Variants in IFIT3 observed in about 807,000 individuals in gnomAD.
The protein encoded by IFIT3 is interferon-induced protein with tetratricopeptide repeats 3.
A neutral mutation model predicts 2.4 loss-of-function variants in IFIT3; 2 were observed. That is an observed-to-expected ratio of 0.82 (90% CI 0.34 to 2.60). The LOEUF (loss-of-function observed/expected upper bound fraction) is 2.60, where lower values mean the gene tolerates loss of function less well. Among genes scored for constraint, IFIT3 ranks in the 30% most tolerant of loss-of-function variants. The pLI, the probability that IFIT3 is intolerant of heterozygous loss-of-function variation, is 0.11. For missense variants in IFIT3, 481 were observed against 562.4 expected, an observed-to-expected ratio of 0.86 and a Z score of 1.46; for synonymous variants, 203 against 212.1, an observed-to-expected ratio of 0.96 and a Z score of 0.37.
At position 89,339,609 on chromosome 10, in the gene IFIT3, G is replaced by A. The variant is rs754007105; in HGVS notation, c.954G>A (p.Ser318=). Residue 318 remains serine, a synonymous_variant, in exon 2 of 2, where the codon TCG becomes TCA. Transcript: ENST00000371818. ...TAAAGCAATATGCTATGGACTATTCGAATAAAGCTCTTGAGAAGGGACTGA... is the reference window on the plus strand; with the variant it reads ...TAAAGCAATATGCTATGGACTATTCAAATAAAGCTCTTGAGAAGGGACTGA... ...EALKQYAMDY[S]NKALEKGLNP... 6.8e-6 allele frequency: 11 copies of A among 1,614,162 alleles called. No individual in the cohort carries two copies. The highest frequency in any genetic ancestry group is 4.2e-6 in the Non-Finnish European group (5 of 1,180,016).
At chr10:89,329,049 G>C (rs997793953) in intron 1 of IFIT3, among the ~76,000 whole-genome samples, 1 of 152,118 alleles carries the variant, frequency 6.6e-6, no homozygotes, top group Non-Finnish European at 1.5e-5. Flanking sequence ...ACCTCCTGGA[G>C]TTCTTCAGGG....
At chr10:89,334,214 T>C (rs947507075) in intron 1 of IFIT3, among the ~76,000 whole-genome samples, 1 of 152,116 alleles carries the variant, frequency 6.6e-6, no homozygotes, top group Admixed American at 6.5e-5. Flanking sequence ...GCAAGACAGG[T>C]GGTCATGATC....
rs1177223031 is a variant in IFIT3, at chr10:89,339,423, C to T, written c.768C>T (p.Asp256=). The T allele has an allele frequency of 6.2e-7, 1 of 1,614,184 alleles. No individual in the cohort carries two copies. Among genetic ancestry groups the T allele is most frequent in the South Asian group, 1.1e-5 (1 of 91,082 alleles). Residue 256 remains aspartate (D), a synonymous_variant, in exon 2 of 2, where the codon GAC becomes GAT. Coordinates refer to ENST00000371818, the MANE Select transcript of IFIT3 (RefSeq NM_001549.6). ...CCAAATTTTACAGAAGAAAAGGTGA[C>T]CTAGACAAAGCTATTGAACTGTTTC... ...SAAKFYRRKG[D]LDKAIELFQR...
At chr10:89,330,650 G>C (rs1334879924) in intron 1 of IFIT3, among the ~76,000 whole-genome samples, 1 of 152,168 alleles carries the variant, frequency 6.6e-6, no homozygotes, top group East Asian at 1.9e-4. Context: ...GCATTTTAAG[G>C]ATAAGGGAAT....
At position 89,339,627 on chromosome 10, in the gene IFIT3, G is replaced by C. The variant is rs750337534; in HGVS notation, c.972G>C (p.Lys324Asn). The C allele has an allele frequency of 1.2e-6, 2 of 1,614,194 alleles. No homozygotes were observed. The highest frequency in any genetic ancestry group is 1.7e-6 in the Non-Finnish European group (2 of 1,180,036). ...AMDYSNKALE[K>N]GLNPLNAYSD... ...ACTATTCGAATAAAGCTCTTGAGAAGGGACTGAATCCTCTGAATGCATACT... is the reference window on the plus strand; with the variant it reads ...ACTATTCGAATAAAGCTCTTGAGAACGGACTGAATCCTCTGAATGCATACT... Residue 324 changes from lysine (K) to asparagine (N), a missense_variant, in exon 2 of 2, where the codon AAG becomes AAC. Transcript: ENST00000371818.
At chr10:89,334,919 CA>C (rs1241385904) in intron 1 of IFIT3, among the ~76,000 whole-genome samples, 1 of 152,082 alleles carries the variant, frequency 6.6e-6, no homozygotes, top group African/African-American at 2.4e-5. Flanking sequence ...GAGTAACTTT[CA>C]AAAACACATA....
intron 1 of IFIT3, among the ~76,000 whole-genome samples, chr10:89,334,478 C>CTTTTT (rs578154457): frequency 1.3e-3 from 33 of 25,338 alleles, no homozygotes; most frequent in Admixed American, 2.3e-3. Context: ...TTCTTTTATT[C>CTTTTT]TTTTTTTTTT....
chr10:89,334,038 A>T (rs140278609), intron 1 of IFIT3, among the ~76,000 whole-genome samples: 1 of 152,194 alleles, frequency 6.6e-6, no homozygotes. Flanking sequence ...AGTCAGTTGG[A>T]GCATAACCAG....
In IFIT3 at chr10:89,338,956, G is replaced by A. The variant is rs768560074; in HGVS notation, c.301G>A (p.Ala101Thr). 6 of 1,614,026 alleles carry A rather than the reference G, an allele frequency of 3.7e-6. No homozygotes were observed. The highest frequency in any genetic ancestry group is 2.7e-5 in the African/African-American group (2 of 74,920). The change falls in exon 2 of 2, where the codon GCC becomes ACC. Residue 101 changes from alanine to threonine, a missense_variant. Transcript: ENST00000371818. ...AAGTCTAGTCACTTGGGGAAACTAC[G>A]CCTGGGTCTACTATCACTTGGGCAG... is the stretch of plus-strand genomic sequence containing the variant. Reference protein sequence around the residue: ...IRSLVTWGNYAWVYYHLGRLS... With the variant: ...IRSLVTWGNYTWVYYHLGRLS...
chr10:89,337,174 T>C (rs1392127698), intron 1 of IFIT3, among the ~76,000 whole-genome samples: 3 of 152,178 alleles, frequency 2.0e-5, no homozygotes, highest in Non-Finnish European at 4.4e-5. Flanking sequence ...ACATAACATG[T>C]TGGCAGACAT....
Position 89,339,880 on chromosome 10 carries a change from C to T in IFIT3, c.1225C>T (p.Leu409=), listed in dbSNP as rs61853145. The T allele has an allele frequency of 8.0e-3, 12,959 of 1,614,164 alleles. 108 individuals carry two copies. Among genetic ancestry groups the T allele is most frequent in the South Asian group, 0.019 (1,741 of 91,084 alleles). The part of the protein sequence containing the change: ...KDQPQNVSEN[L]LPQNAPNYWY... ...CCAACCACAGAATGTATCTGAAAAT[C>T]TGCTTCCACAAAATGCACCAAATTA... The change falls in exon 2 of 2, where the codon CTG becomes TTG. Residue 409 remains leucine, a synonymous_variant. Coordinates refer to ENST00000371818, the MANE Select transcript of IFIT3 (RefSeq NM_001549.6).
At chr10:89,328,271 T>C (rs551106251) in intron 1 of IFIT3, among the ~76,000 whole-genome samples, 193 bp downstream of exon 1, 66 of 152,300 alleles carry the variant, frequency 4.3e-4, no homozygotes, top group Non-Finnish European at 7.4e-4. Context: ...ACAGGCTTCT[T>C]AAGTTTCTGG....
intron 1 of IFIT3, among the ~76,000 whole-genome samples, chr10:89,332,159 A>C (rs890708825): frequency 2.0e-5 from 3 of 152,224 alleles, no homozygotes; most frequent in Non-Finnish European, 4.4e-5. Context: ...TGAACCCGAG[A>C]GGCAGAAATT....
Position 89,339,856 on chromosome 10 carries a change from C to G in IFIT3, c.1201C>G (p.Gln401Glu), listed in dbSNP as rs1310546309. 6.2e-7 allele frequency: 1 copy of G among 1,614,060 alleles called. No individual in the cohort carries two copies. The highest frequency in any genetic ancestry group is 8.5e-7 in the Non-Finnish European group (1 of 1,180,016). ...KSTDKEEIKDQPQNVSENLLP... is the reference protein window; with the variant it reads ...KSTDKEEIKDEPQNVSENLLP... Reference sequence around the variant, plus strand: ...AACTGACAAGGAAGAGATCAAAGACCAACCACAGAATGTATCTGAAAATCT... The same window carrying G: ...AACTGACAAGGAAGAGATCAAAGACGAACCACAGAATGTATCTGAAAATCT... Residue 401 changes from glutamine (Q) to glutamate (E), a missense_variant, in exon 2 of 2, where the codon CAA (glutamine) becomes GAA (glutamate). Physicochemically the swap from Gln to Glu is conservative, Grantham distance 29. Coordinates refer to ENST00000371818, the MANE Select transcript of IFIT3 (RefSeq NM_001549.6).
intron 1 of IFIT3, among the ~76,000 whole-genome samples, chr10:89,337,762 C>G (rs1421341699): frequency 7.2e-5 from 11 of 152,230 alleles, no homozygotes. Context: ...CCTCCTCTTA[C>G]CCATCTTACC....
chr10:89,331,729 C>T (rs6586182), intron 1 of IFIT3, among the ~76,000 whole-genome samples: 37,639 of 151,394 alleles, frequency 0.25, 4,968 homozygotes, highest in African/African-American at 0.32. Flanking sequence ...CGTGGTGGCA[C>T]GTGCCTATAG....
chr10:89,330,702 C>A (rs1843641210), intron 1 of IFIT3, among the ~76,000 whole-genome samples: 1 of 152,172 alleles, frequency 6.6e-6, no homozygotes, highest in Admixed American at 6.5e-5. Context: ...CAGAACTAAG[C>A]AAAGAGGTCA....
intron 1 of IFIT3, chr10:89,332,623 A>G: frequency 6.2e-7 from 1 of 1,614,118 alleles, no homozygotes; most frequent in Non-Finnish European, 8.5e-7. Flanking sequence ...AACAGCCATC[A>G]TGAGGTAAAT....
intron 1 of IFIT3, among the ~76,000 whole-genome samples, chr10:89,335,804 T>G (rs1843729444): frequency 6.6e-6 from 1 of 152,252 alleles, no homozygotes; most frequent in African/African-American, 2.4e-5. Context: ...TCAGCAAAGT[T>G]AACTCATGTT....
Sources: gnomAD v4.1 joint callset for allele counts (sites outside exome capture counted in the v4.1 genomes callset) on GRCh38, gnomAD v4.1.1 for gene constraint, MANE v1.5 for transcripts, NCBI Gene and HGNC (gene_info 2026-07-23, HGNC 2026-07-21) for gene names.